BCAT1: variants seen among roughly 807,000 people sequenced by gnomAD.
The protein encoded by BCAT1 is branched-chain-amino-acid aminotransferase, cytosolic.
Under a neutral mutation model 52.4 loss-of-function variants are expected in BCAT1, and 48 were observed. The ratio of observed to expected loss-of-function variants is 0.92; its 90% CI spans 0.73 to 1.16. The LOEUF (loss-of-function observed/expected upper bound fraction) is 1.16, where lower values mean the gene tolerates loss of function less well. BCAT1 is among the 50% of genes most tolerant of loss of function. The pLI, the probability that BCAT1 is intolerant of heterozygous loss-of-function variation, is 0.00. For synonymous variants in BCAT1, 167 were observed against 161.3 expected (o/e 1.04, Z -0.27); for missense variants, 451 against 457.1 (o/e 0.99, Z 0.12).
intron 1 of BCAT1, among the ~76,000 whole-genome samples, chr12:24,913,195 C>T (rs1479209870): frequency 6.6e-6 from 1 of 152,110 alleles, no homozygotes; most frequent in African/African-American, 2.4e-5. Context: ...TATGTATTTA[C>T]ACAAATTACA....
intron 3 of BCAT1, among the ~76,000 whole-genome samples, chr12:24,893,191 C>G (rs1256016691): frequency 6.6e-6 from 1 of 152,216 alleles, no homozygotes; most frequent in African/African-American, 2.4e-5. Flanking sequence ...CAAGAAACAA[C>G]TCTTCTGAGC....
chr12:24,936,094 C>G (rs1173805559), intron 1 of BCAT1, among the ~76,000 whole-genome samples: 4 of 152,146 alleles, frequency 2.6e-5, no homozygotes, highest in African/African-American at 9.7e-5. Flanking sequence ...ACATGCTGCC[C>G]AACACCCAAT....
chr12:24,946,737 G>A (rs1477576783), intron 1 of BCAT1, among the ~76,000 whole-genome samples: 4 of 152,146 alleles, frequency 2.6e-5, no homozygotes, highest in Non-Finnish European at 5.9e-5. Flanking sequence ...TTTTCAGGGA[G>A]TTGCACAGCT....
intron 1 of BCAT1, among the ~76,000 whole-genome samples, chr12:24,916,153 C>A (rs539804024): frequency 6.6e-6 from 1 of 152,024 alleles, no homozygotes; most frequent in African/African-American, 2.4e-5. Flanking sequence ...AGTGAGATTC[C>A]GTGTCAAAAA....
chr12:24,876,327 A>T (rs914617836), intron 5 of BCAT1, among the ~76,000 whole-genome samples: 29 of 151,858 alleles, frequency 1.9e-4, no homozygotes, highest in African/African-American at 6.3e-4. Flanking sequence ...ATGAACAGTG[A>T]AACAAAAATT....
At chr12:24,859,260 A>G (rs1000369862) in intron 5 of BCAT1, among the ~76,000 whole-genome samples, 1 of 152,230 alleles carries the variant, frequency 6.6e-6, no homozygotes, top group Non-Finnish European at 1.5e-5. Context: ...CTTTTGAATA[A>G]ACAACAAAAT....
At chr12:24,888,543 A>G (rs1386953893) in intron 3 of BCAT1, among the ~76,000 whole-genome samples, 1 of 152,202 alleles carries the variant, frequency 6.6e-6, no homozygotes, top group Non-Finnish European at 1.5e-5. Context: ...GAGCAAGGTC[A>G]TGGTTGGTTT....
At chr12:24,867,895 C>T (rs1942071537) in intron 5 of BCAT1, among the ~76,000 whole-genome samples, 1 of 152,130 alleles carries the variant, frequency 6.6e-6, no homozygotes, top group Non-Finnish European at 1.5e-5. Context: ...ATCCCAGCTA[C>T]TCAGGAGGCT....
chr12:24,829,586 C>T (rs550231827), intron 10 of BCAT1, among the ~76,000 whole-genome samples: 6 of 152,112 alleles, frequency 3.9e-5, no homozygotes, highest in Non-Finnish European at 8.8e-5. Context: ...AATGTGGAGT[C>T]CTGAACAATA....
At chr12:24,892,085 T>C (rs1001440352) in intron 3 of BCAT1, among the ~76,000 whole-genome samples, 2 of 148,038 alleles carry the variant, frequency 1.4e-5, no homozygotes, top group Non-Finnish European at 3.0e-5. Context: ...TTTTGTTTTG[T>C]TTTGTTTTGT....
chr12:24,948,621 T>G (rs1055855261), intron 1 of BCAT1, among the ~76,000 whole-genome samples: 2 of 152,132 alleles, frequency 1.3e-5, no homozygotes, highest in African/African-American at 4.8e-5. Context: ...AAGCCCTCAC[T>G]TCCTTTCCAA....
intron 1 of BCAT1, among the ~76,000 whole-genome samples, chr12:24,921,905 G>GA (rs1267476827): frequency 6.6e-6 from 1 of 152,078 alleles, no homozygotes; most frequent in Non-Finnish European, 1.5e-5. Context: ...AGGAAAGCAT[G>GA]AAAAAAATAG....
At chr12:24,877,867 T>C (rs1942390614) in intron 5 of BCAT1, among the ~76,000 whole-genome samples, 1 of 152,130 alleles carries the variant, frequency 6.6e-6, no homozygotes, top group Admixed American at 6.5e-5. Context: ...TTAAGAATCC[T>C]CTCCGGTCAG....
chr12:24,829,279 G>T (rs1458460751), intron 10 of BCAT1, among the ~76,000 whole-genome samples: 1 of 152,090 alleles, frequency 6.6e-6, no homozygotes, highest in East Asian at 1.9e-4. Context: ...AGCTACTCGG[G>T]AGGCTGAGGT....
chr12:24,829,642 T>C (rs1940563218), intron 10 of BCAT1, among the ~76,000 whole-genome samples, 181 bp downstream of exon 10: 1 of 152,214 alleles, frequency 6.6e-6, no homozygotes. Context: ...CCATTTCTGC[T>C]TTGCTCATGC....
intron 6 of BCAT1, 122 bp downstream of exon 6, chr12:24,849,664 A>G (rs1941445698): frequency 8.9e-7 from 1 of 1,129,516 alleles, no homozygotes; most frequent in African/African-American, 1.5e-5. Flanking sequence ...AAAATTAACC[A>G]TGAAACACAA....
At chr12:24,857,478 TTATCTA>T (rs144840048) in intron 5 of BCAT1, among the ~76,000 whole-genome samples, 21,646 of 152,114 alleles carry the variant, frequency 0.14, 1,536 homozygotes, top group East Asian at 0.17. Context: ...ATGTCCAAGA[TTATCTA>T]TCTATCTATC....
At chr12:24,822,262 G>A (rs1940170974) in intron 10 of BCAT1, among the ~76,000 whole-genome samples, 1 of 152,176 alleles carries the variant, frequency 6.6e-6, no homozygotes, top group Non-Finnish European at 1.5e-5. Context: ...GGAGTTATGT[G>A]GACAATTAGC....
chr12:24,832,723 C>G lies in BCAT1; in HGVS notation c.1044G>C (p.Glu348Asp), dbSNP rs746393829. ...CPVSDILYKG[E>D]TIHIPTMENG... is the part of the protein sequence containing the mutation. ...GGAAATGAGGAAATACTTGTCGTACCTCGCCTTTGTACAGTATATCAGAAA... is the reference window on the plus strand; with the variant it reads ...GGAAATGAGGAAATACTTGTCGTACGTCGCCTTTGTACAGTATATCAGAAA... The change falls in exon 9 of 11, where the codon GAG becomes GAC. Residue 348 changes from glutamate to aspartate, a missense_variant and splice_region_variant. By Grantham distance (45) the Glu-to-Asp change is conservative. Coordinates refer to ENST00000261192, the MANE Select transcript of BCAT1 (RefSeq NM_005504.7). 2.5e-6 allele frequency: 4 copies of G among 1,603,182 alleles called. No individual in the cohort carries two copies. In the South Asian group the frequency reaches 4.5e-5, roughly 18 times the overall value.
Sources: allele counts gnomAD v4.1 joint callset (sites outside exome capture counted in the v4.1 genomes callset), GRCh38; gene constraint gnomAD v4.1.1; transcripts MANE v1.5; gene names NCBI Gene and HGNC (gene_info 2026-07-23, HGNC 2026-07-21).